Variants in CASD1 observed in about 807,000 individuals in gnomAD.
The protein encoded by CASD1 is CAS1 domain sialic acid O acetyltransferase 1.
A neutral mutation model predicts 100.0 loss-of-function variants in CASD1; 41 were observed. The observed-to-expected ratio is 0.41, with a 90% CI of 0.32 to 0.53. The LOEUF is 0.53. Among genes scored for constraint, CASD1 ranks in the 20% least tolerant of loss-of-function variants. CASD1 has a pLI of 0.25. For synonymous variants in CASD1, 321 were observed against 315.6 expected (o/e 1.02, Z -0.18); for missense variants, 774 against 948.7 (o/e 0.82, Z 2.42).
chr7:94,588,738 AATG>A, the CASD1 span: 724 of 1,613,304 alleles, frequency 4.5e-4, 4 homozygotes, highest in African/African-American at 7.8e-3. Context: ...AGTTCCTAGA[AATG>A]ATGAACATTT....
At chr7:94,517,164 A>G (rs1318788215) in intron 1 of CASD1, among the ~76,000 whole-genome samples, 3 of 152,128 alleles carry the variant, frequency 2.0e-5, no homozygotes, top group African/African-American at 7.2e-5. Flanking sequence ...TAGGCCTCCC[A>G]AAGTGCTGGG....
chr7:94,621,330 C>T, the CASD1 span: 1 of 152,154 alleles, frequency 6.6e-6, no homozygotes, highest in Non-Finnish European at 1.5e-5. Context: ...ACAAGCACTG[C>T]CTGGAGTAAA....
the CASD1 span, among the ~76,000 whole-genome samples, chr7:94,566,063 A>T: frequency 6.6e-6 from 1 of 152,204 alleles, no homozygotes; most frequent in Non-Finnish European, 1.5e-5. Context: ...TGGGATCAGC[A>T]GCCCAGGGAG....
At chr7:94,574,700 G>A in the CASD1 span, among the ~76,000 whole-genome samples, 10 of 151,988 alleles carry the variant, frequency 6.6e-5, 1 homozygote, top group South Asian at 2.1e-3. Context: ...GCCGGGTGTG[G>A]TGGCTCATGC....
In CASD1 at chr7:94,538,868, C is replaced by T. The variant is rs541693561; in HGVS notation, c.1267-99C>T. 51 of 539,336 alleles carry T rather than the reference C, an allele frequency of 9.5e-5. 2 individuals carry two copies. In the South Asian group the frequency reaches 1.5e-3, roughly 16 times the overall value. The allele number at this position is 539,336 out of a possible 1,614,324, so 33.4% of individuals were successfully genotyped here. A position where few individuals can be genotyped will look rare whatever the true frequency, so the allele number is the denominator to read the frequency against. On this transcript the variant is annotated intron_variant, in intron 9 of 17. Transcript: ENST00000297273. The stretch of plus-strand genomic sequence containing the variant: ...AAGGTTCTTTTGACAGAAGCATTAG[C>T]TTTATGTCCTATAAGAAAACTTTTA...
intron 15 of CASD1, 78 bp from the exon 16 acceptor site, chr7:94,552,272 G>A (rs1335688504): frequency 3.2e-6 from 3 of 933,018 alleles, no homozygotes; most frequent in Non-Finnish European, 3.4e-6. Flanking sequence ...ATAAAGAACT[G>A]TAAAAAAAAA....
At chr7:94,592,269 A>T in the CASD1 span, among the ~76,000 whole-genome samples, 1 of 152,198 alleles carries the variant, frequency 6.6e-6, no homozygotes, top group African/African-American at 2.4e-5. Context: ...CATACTGGAA[A>T]AAATGCCTTC....
intron 10 of CASD1, among the ~76,000 whole-genome samples, chr7:94,542,231 C>T (rs1795438342): frequency 6.6e-6 from 1 of 152,074 alleles, no homozygotes; most frequent in Admixed American, 6.6e-5. Context: ...TTTATAGAGC[C>T]ATCAGATATA....
chr7:94,620,774 G>C, the CASD1 span: 1 of 152,080 alleles, frequency 6.6e-6, no homozygotes, highest in Non-Finnish European at 1.5e-5. Context: ...CCTTTTCTGA[G>C]ACCTGCTGCA....
the CASD1 span, among the ~76,000 whole-genome samples, chr7:94,586,281 C>T: frequency 6.6e-6 from 1 of 151,982 alleles, no homozygotes; most frequent in African/African-American, 2.4e-5. Flanking sequence ...ATGTAGCTGC[C>T]TCTATGCAGT....
the CASD1 span, among the ~76,000 whole-genome samples, chr7:94,613,127 C>A: frequency 1.1e-4 from 17 of 152,134 alleles, no homozygotes; most frequent in African/African-American, 2.9e-4. Flanking sequence ...TAAAAACAAA[C>A]GGAACACAGA....
intron 13 of CASD1, among the ~76,000 whole-genome samples, chr7:94,547,986 A>C (rs944506483): frequency 1.3e-5 from 2 of 151,382 alleles, no homozygotes; most frequent in African/African-American, 4.8e-5. Context: ...TTTTATACTT[A>C]AAAGTCTTTA....
intron 5 of CASD1, among the ~76,000 whole-genome samples, chr7:94,528,997 T>A (rs969168625): frequency 2.6e-5 from 4 of 152,278 alleles, no homozygotes; most frequent in East Asian, 3.9e-4. Flanking sequence ...AACCACATCA[T>A]ACAATAAATA....
chr7:94,542,441 T>C (rs1409876341), intron 10 of CASD1, among the ~76,000 whole-genome samples: 1 of 152,204 alleles, frequency 6.6e-6, no homozygotes, highest in Non-Finnish European at 1.5e-5. Context: ...AATGAAAATA[T>C]CTCATGTTGA....
At chr7:94,603,362 T>C in the CASD1 span, 2 of 1,613,102 alleles carry the variant, frequency 1.2e-6, no homozygotes, top group Admixed American at 3.3e-5. Flanking sequence ...CAGGCTCCAT[T>C]TCTTGACTAC....
intron 10 of CASD1, among the ~76,000 whole-genome samples, chr7:94,540,038 T>TA (rs1322376830): frequency 1.3e-5 from 2 of 152,124 alleles, no homozygotes; most frequent in Non-Finnish European, 2.9e-5. Context: ...ATGGGTGTCT[T>TA]AAAAGACAGG....
chr7:94,588,742 A>G, the CASD1 span: 380 of 1,612,812 alleles, frequency 2.4e-4, 1 homozygote, highest in African/African-American at 4.7e-3. Context: ...CCTAGAAATG[A>G]TGAACATTTT....
chr7:94,595,459 A>G, the CASD1 span, among the ~76,000 whole-genome samples: 4 of 152,168 alleles, frequency 2.6e-5, no homozygotes, highest in African/African-American at 7.2e-5. Flanking sequence ...TTGTTTATGA[A>G]TGATAAATTC....
intron 5 of CASD1, among the ~76,000 whole-genome samples, chr7:94,531,943 T>C (rs965042439): frequency 2.6e-5 from 4 of 152,096 alleles, no homozygotes; most frequent in Admixed American, 6.6e-5. Flanking sequence ...ATGTATAATA[T>C]CATCTTGCCT....
Sources: gnomAD v4.1 joint callset for allele counts (sites outside exome capture counted in the v4.1 genomes callset) on GRCh38, gnomAD v4.1.1 for gene constraint, MANE v1.5 for transcripts, NCBI Gene and HGNC (gene_info 2026-07-23, HGNC 2026-07-21) for gene names.